GRIK2: variants seen among roughly 807,000 people sequenced by gnomAD.
GRIK2 encodes glutamate receptor ionotropic, kainate 2.
In GRIK2, 32 loss-of-function variants were observed where a neutral mutation model predicts 100.3. That is an observed-to-expected ratio of 0.32 (90% confidence interval 0.24 to 0.43). The LOEUF (loss-of-function observed/expected upper bound fraction) is 0.43. Ranked by LOEUF, GRIK2 falls within the 20% of genes least tolerant of loss-of-function variation. GRIK2 has a pLI of 1.00. For synonymous variants in GRIK2, 417 were observed against 389.4 expected (o/e 1.07, Z -0.83); for missense variants, 843 against 1,114.9 (o/e 0.76, Z 3.47).
chr6:101,918,815 C>T (rs1034226179), intron 12 of GRIK2, among the ~76,000 whole-genome samples: 1 of 151,636 alleles, frequency 6.6e-6, no homozygotes, highest in African/African-American at 2.4e-5. Flanking sequence ...TTTAAAAGTC[C>T]ATCTCTCAAA....
chr6:101,617,942 G>T (rs1779976862), intron 2 of GRIK2, among the ~76,000 whole-genome samples: 1 of 151,184 alleles, frequency 6.6e-6, no homozygotes, highest in South Asian at 2.1e-4. Context: ...ATATATGTGT[G>T]TGTATATATA....
intron 10 of GRIK2, among the ~76,000 whole-genome samples, chr6:101,820,971 A>G (rs988295895): frequency 4.6e-5 from 7 of 152,180 alleles, no homozygotes; most frequent in African/African-American, 1.4e-4. Flanking sequence ...CATAAGCTCT[A>G]TAATCAAATT....
chr6:101,678,520 A>C (rs1008139669), intron 5 of GRIK2, among the ~76,000 whole-genome samples: 1 of 152,192 alleles, frequency 6.6e-6, no homozygotes, highest in Non-Finnish European at 1.5e-5. Flanking sequence ...CTATACCAGA[A>C]GACCACAAAT....
At chr6:101,588,061 A>G (rs1272377612) in intron 2 of GRIK2, among the ~76,000 whole-genome samples, 1 of 152,140 alleles carries the variant, frequency 6.6e-6, no homozygotes, top group Non-Finnish European at 1.5e-5. Context: ...AGATCAGTAC[A>G]AGCATTCTCA....
intron 14 of GRIK2, among the ~76,000 whole-genome samples, chr6:101,940,585 G>A (rs1293537232): frequency 6.6e-6 from 1 of 151,900 alleles, no homozygotes; most frequent in East Asian, 1.9e-4. Flanking sequence ...CTAATGTGTT[G>A]CCCCTGCTGT....
chr6:101,560,293 CAT>C (rs1491225993), intron 2 of GRIK2, among the ~76,000 whole-genome samples: 10 of 151,980 alleles, frequency 6.6e-5, no homozygotes, highest in African/African-American at 1.2e-4. Context: ...AATTTTATAA[CAT>C]ATGATAAGAA....
intron 14 of GRIK2, among the ~76,000 whole-genome samples, chr6:102,024,934 ATATAT>A (rs1769615903): frequency 6.7e-6 from 1 of 149,326 alleles, no homozygotes; most frequent in Non-Finnish European, 1.5e-5. Flanking sequence ...TGATATATAT[ATATAT>A]TATTTATAAA....
chr6:101,542,243 GA>G (rs1176426011), intron 2 of GRIK2, among the ~76,000 whole-genome samples: 3 of 148,674 alleles, frequency 2.0e-5, no homozygotes, highest in Admixed American at 6.7e-5. Flanking sequence ...TAAATTCAAA[GA>G]AAAAAAAAGA....
rs561546880 is a variant in GRIK2, at chr6:101,791,626, C to A, written c.952-8022C>A. The stretch of plus-strand genomic sequence containing the variant: ...ATTTGCTGAGGAGAGCTTTACTTCC[C>A]AGTATGTGGTCAATTTTGGAATAGG... On this transcript the variant is annotated intron_variant, in intron 7 of 16. Transcript: ENST00000369134. Among the ~76,000 whole-genome samples the A allele has an allele frequency of 2.4e-3, 371 of 151,946 alleles. 1 individual carries two copies. The highest frequency in any genetic ancestry group is 0.011 in the South Asian group (55 of 4,794).
At chr6:101,753,577 A>G (rs905698577) in intron 7 of GRIK2, among the ~76,000 whole-genome samples, 6 of 152,028 alleles carry the variant, frequency 3.9e-5, no homozygotes, top group Admixed American at 3.3e-4. Context: ...AAGAACACTC[A>G]TTTTATTTCT....
chr6:101,491,274 G>GAA (rs11392415), intron 2 of GRIK2, among the ~76,000 whole-genome samples: 13,621 of 139,918 alleles, frequency 0.097, 710 homozygotes, highest in Middle Eastern at 0.17. Flanking sequence ...GAGAAAAAAA[G>GAA]AAAAAAAAAA....
intron 7 of GRIK2, among the ~76,000 whole-genome samples, chr6:101,708,188 A>G (rs534617657): frequency 1.3e-5 from 2 of 151,934 alleles, no homozygotes; most frequent in South Asian, 2.1e-4. Context: ...ATTTAACACT[A>G]TTAAATTCCT....
rs1026186079 is a variant in GRIK2, at chr6:101,622,236, G to A, written c.283+120G>A. On this transcript the variant is annotated intron_variant, in intron 3 of 16. Transcript: ENST00000369134. The stretch of plus-strand genomic sequence containing the variant: ...GTTGTTAGGAATATTTGCATGCAAA[G>A]ATTTATTTTCAAAATGCATATAAAT... The A allele has an allele frequency of 3.1e-4, 176 of 573,106 alleles. No individual in the cohort carries two copies. In the East Asian group the frequency reaches 4.9e-3, roughly 16 times the overall value. 35.5% of individuals were successfully genotyped at this position (573,106 alleles called of 1,614,324 possible). A position where few individuals can be genotyped will look rare whatever the true frequency, so the allele number is the denominator to read the frequency against.
At chr6:101,419,398 G>C (rs572763090) in intron 2 of GRIK2, among the ~76,000 whole-genome samples, 1 of 152,068 alleles carries the variant, frequency 6.6e-6, no homozygotes, top group Non-Finnish European at 1.5e-5. Context: ...TGGGCCTCTT[G>C]GGAACATACA....
intron 7 of GRIK2, among the ~76,000 whole-genome samples, chr6:101,711,640 T>C (rs969293312): frequency 2.0e-5 from 3 of 151,862 alleles, no homozygotes; most frequent in Non-Finnish European, 4.4e-5. Flanking sequence ...ATGTTTTTAA[T>C]GCTGTGATGA....
At chr6:102,065,818 C>A in intron 16 of GRIK2, 1 of 1,520,724 alleles carries the variant, frequency 6.6e-7, no homozygotes, top group Non-Finnish European at 8.9e-7. Flanking sequence ...TAAGTTACCT[C>A]AAGACTATGT....
chr6:101,689,810 A>AC (rs1485816064), intron 7 of GRIK2, among the ~76,000 whole-genome samples: 3 of 151,730 alleles, frequency 2.0e-5, no homozygotes, highest in Non-Finnish European at 4.4e-5. Context: ...CCAGACATAA[A>AC]CCCCTTATTG....
At chr6:101,921,246 G>A (rs928194941) in intron 12 of GRIK2, among the ~76,000 whole-genome samples, 3 of 149,616 alleles carry the variant, frequency 2.0e-5, no homozygotes, top group Admixed American at 6.7e-5. Flanking sequence ...GGCAGGTGAT[G>A]GTATTAACAG....
chr6:101,551,225 A>T (rs2128292501), intron 2 of GRIK2, among the ~76,000 whole-genome samples: 1 of 152,196 alleles, frequency 6.6e-6, no homozygotes, highest in Middle Eastern at 3.4e-3. Flanking sequence ...ATTTCAGCTG[A>T]CTGTTTAAGG....
Sources: gnomAD v4.1 joint callset for allele counts (sites outside exome capture counted in the v4.1 genomes callset) on GRCh38, gnomAD v4.1.1 for gene constraint, MANE v1.5 for transcripts, NCBI Gene and HGNC (gene_info 2026-07-23, HGNC 2026-07-21) for gene names.